The following CSMD3 variants were observed in gnomAD, a reference collection of about 807,000 sequenced individuals.
The protein encoded by CSMD3 is CUB and sushi domain-containing protein 3.
CSMD3 carries 177 observed loss-of-function variants against 435.2 expected under a neutral mutation model. The ratio of observed to expected loss-of-function variants is 0.41; its 90% confidence interval spans 0.36 to 0.46. The LOEUF is 0.46. Ranked by LOEUF, CSMD3 falls within the 20% of genes least tolerant of loss-of-function variation. The probability of loss-of-function intolerance (pLI) is 0.34; values close to 1 mark genes in which losing one functional copy is unlikely to be tolerated. For missense variants in CSMD3, 4,265 were observed against 4,504.6 expected (o/e 0.95, Z 1.52); for synonymous variants, 1,656 against 1,520.5 (o/e 1.09, Z -2.07).
intron 4 of CSMD3, among the ~76,000 whole-genome samples, chr8:113,161,643 CG>C (rs2092041559): frequency 6.6e-6 from 1 of 151,890 alleles, no homozygotes. Context: ...ATACTTTTAC[CG>C]GAACAGTATT....
chr8:112,635,441 G>A (rs932391061), intron 22 of CSMD3, among the ~76,000 whole-genome samples: 1 of 151,876 alleles, frequency 6.6e-6, no homozygotes, highest in African/African-American at 2.4e-5. Flanking sequence ...ATGAAAATTG[G>A]CATAATGAAG....
intron 9 of CSMD3, among the ~76,000 whole-genome samples, chr8:112,940,597 C>T (rs1235960281): frequency 1.3e-5 from 2 of 151,866 alleles, no homozygotes; most frequent in East Asian, 3.9e-4. Context: ...CCTTTAAAAA[C>T]TTGTTATATT....
At chr8:112,247,711 A>C (rs1235005635) in intron 63 of CSMD3, among the ~76,000 whole-genome samples, 1 of 151,918 alleles carries the variant, frequency 6.6e-6, no homozygotes, top group East Asian at 1.9e-4. Flanking sequence ...TGTAGTCTCT[A>C]GGCCAGTAAT....
At position 112,223,320 on chromosome 8, in the gene CSMD3, G is replaced by A. The variant is rs1812313368; in HGVS notation, c.*1451C>T. On this transcript the variant is annotated 3_prime_UTR_variant, in exon 71 of 71. Coordinates refer to ENST00000297405, the MANE Select transcript of CSMD3 (RefSeq NM_198123.2). ...GCCAAGCAGCGCTCCCAGGTGCAAGGGTTTCTCTTAGGCACTCTGTCTCAT... is the reference window on the plus strand; with the variant it reads ...GCCAAGCAGCGCTCCCAGGTGCAAGAGTTTCTCTTAGGCACTCTGTCTCAT... 5 of 349,476 alleles carry A rather than the reference G, an allele frequency of 1.4e-5. No individual in the cohort carries two copies. In the Admixed American group the frequency reaches 2.4e-4, roughly 17 times the overall value. The allele number at this position is 349,476 out of a possible 1,614,324, so 21.6% of individuals were successfully genotyped here. A position where few individuals can be genotyped will look rare whatever the true frequency, so the allele number is the denominator to read the frequency against.
At chr8:112,737,784 G>A (rs2077218541) in intron 13 of CSMD3, among the ~76,000 whole-genome samples, 1 of 151,788 alleles carries the variant, frequency 6.6e-6, no homozygotes, top group Admixed American at 6.6e-5. Flanking sequence ...AATTCTAAAG[G>A]AAGCTTTACC....
intron 38 of CSMD3, among the ~76,000 whole-genome samples, chr8:112,360,372 G>A: frequency 6.6e-6 from 1 of 151,908 alleles, no homozygotes; most frequent in African/African-American, 2.4e-5. Context: ...ATACTGAGAT[G>A]CTCATTTTTA....
chr8:113,013,564 A>G (rs2086337997), intron 6 of CSMD3, among the ~76,000 whole-genome samples: 1 of 152,066 alleles, frequency 6.6e-6, no homozygotes, highest in Non-Finnish European at 1.5e-5. Flanking sequence ...AAAGGGAAAT[A>G]ATTATAAGGT....
chr8:112,998,135 T>C (rs942397883), intron 6 of CSMD3, among the ~76,000 whole-genome samples: 4 of 151,792 alleles, frequency 2.6e-5, no homozygotes, highest in African/African-American at 9.7e-5. Context: ...TCTTTCCACA[T>C]TGAAATATAG....
chr8:113,215,357 A>G (rs1051681735), intron 3 of CSMD3, among the ~76,000 whole-genome samples: 1 of 151,878 alleles, frequency 6.6e-6, no homozygotes, highest in Non-Finnish European at 1.5e-5. Flanking sequence ...AAAAATTAAT[A>G]AAAGAGACTC....
At chr8:112,876,295 G>C (rs926089927) in intron 10 of CSMD3, among the ~76,000 whole-genome samples, 2 of 151,948 alleles carry the variant, frequency 1.3e-5, no homozygotes, top group Non-Finnish European at 2.9e-5. Context: ...TTCCAAACAA[G>C]AGAAAAAGAG....
intron 45 of CSMD3, among the ~76,000 whole-genome samples, chr8:112,323,461 G>T (rs945630747): frequency 2.0e-5 from 3 of 151,964 alleles, no homozygotes; most frequent in Non-Finnish European, 2.9e-5. Flanking sequence ...TGTTGCAGAC[G>T]TAATTGGTTA....
chr8:112,929,734 T>C (rs979987601), intron 9 of CSMD3, among the ~76,000 whole-genome samples: 3 of 151,852 alleles, frequency 2.0e-5, no homozygotes, highest in Admixed American at 1.3e-4. Flanking sequence ...GGCAATAAAA[T>C]AAAGTGCTTT....
intron 2 of CSMD3, among the ~76,000 whole-genome samples, chr8:113,295,690 A>C (rs928905388): frequency 5.3e-5 from 8 of 152,186 alleles, no homozygotes; most frequent in African/African-American, 1.7e-4. Flanking sequence ...TTAGGAGTTC[A>C]AGACCAGCCT....
At chr8:112,642,804 T>C (rs2074870034) in intron 20 of CSMD3, among the ~76,000 whole-genome samples, 1 of 152,152 alleles carries the variant, frequency 6.6e-6, no homozygotes, top group Non-Finnish European at 1.5e-5. Flanking sequence ...AAAAAGATGA[T>C]TTAGATTACT....
At chr8:113,250,433 C>T (rs540448960) in intron 3 of CSMD3, among the ~76,000 whole-genome samples, 1 of 152,202 alleles carries the variant, frequency 6.6e-6, no homozygotes, top group South Asian at 2.1e-4. Flanking sequence ...TCACACTAAG[C>T]AGACCTTGTG....
intron 3 of CSMD3, among the ~76,000 whole-genome samples, chr8:113,238,341 C>T (rs1291349073): frequency 6.6e-6 from 1 of 152,042 alleles, no homozygotes; most frequent in Non-Finnish European, 1.5e-5. Context: ...AGAAACTTTT[C>T]CCCAAGGGGA....
chr8:112,772,448 C>G lies in CSMD3; in HGVS notation c.1972+27714G>C, dbSNP rs538042546. 7.9e-5 allele frequency among the ~76,000 whole-genome samples: 12 copies of G among 152,204 alleles called. No individual in the cohort carries two copies. The East Asian group carries it at 1.9e-3, about 25-fold the overall frequency. ...CATCACCACTCCCTAATCTCAAGTA[C>G]GCAGAGACACAAAACACTGCGGAAG... is the stretch of plus-strand genomic sequence containing the variant. On this transcript the variant is annotated intron_variant, in intron 13 of 70. Coordinates refer to ENST00000297405, the MANE Select transcript of CSMD3 (RefSeq NM_198123.2).
chr8:112,974,969 A>T (rs1383236982), intron 7 of CSMD3, among the ~76,000 whole-genome samples: 3 of 151,876 alleles, frequency 2.0e-5, no homozygotes, highest in African/African-American at 7.2e-5. Flanking sequence ...TACTTGAAAT[A>T]TGTTCAATTA....
rs758872376 is a variant in CSMD3 at position 112,263,638 on chromosome 8, C to T, written c.9862+1G>A. 4.3e-6 allele frequency: 7 copies of T among 1,612,642 alleles called. No homozygotes were observed. Among genetic ancestry groups the T allele is most frequent in the Admixed American group, 3.3e-5 (2 of 59,802 alleles). On this transcript the variant is annotated splice_donor_variant, in intron 61 of 70. Coordinates refer to ENST00000297405, the MANE Select transcript of CSMD3 (RefSeq NM_198123.2). LOFTEE classifies it high-confidence loss of function. ...CAGTTGTTAGTAGAAATCATACTTACGTAAGCACTGCGGTACTTCACCACT... is the reference window on the plus strand; with the variant it reads ...CAGTTGTTAGTAGAAATCATACTTATGTAAGCACTGCGGTACTTCACCACT...
Sources: allele counts gnomAD v4.1 joint callset (sites outside exome capture counted in the v4.1 genomes callset), GRCh38; gene constraint gnomAD v4.1.1; transcripts MANE v1.5; gene names NCBI Gene and HGNC (gene_info 2026-07-23, HGNC 2026-07-21).